EBF2: variants seen among roughly 807,000 people sequenced by gnomAD.
EBF2 encodes the protein EBF transcription factor 2, also known as transcription factor COE2.
A neutral mutation model predicts 72.8 loss-of-function variants in EBF2; 21 were observed. That is an observed-to-expected ratio of 0.29 (90% CI 0.20 to 0.42). The LOEUF is 0.42. EBF2 is among the 10% of genes least tolerant of loss of function. The pLI is 1.00. For synonymous variants in EBF2, 299 were observed against 274.2 expected (o/e 1.09, Z -0.89); for missense variants, 637 against 731.2 (o/e 0.87, Z 1.49).
intron 6 of EBF2, among the ~76,000 whole-genome samples, chr8:25,965,417 G>A (rs1472262047): frequency 1.3e-5 from 2 of 152,198 alleles, no homozygotes; most frequent in Admixed American, 1.3e-4. Flanking sequence ...TCACCAACAA[G>A]GGCAAGGCTG....
chr8:25,861,063 T>G lies in EBF2; in HGVS notation c.1328A>C (p.Gln443Pro). 1 of 1,614,134 alleles carries G rather than the reference T, an allele frequency of 6.2e-7. No individual in the cohort carries two copies. Among genetic ancestry groups the G allele is most frequent in the Non-Finnish European group, 8.5e-7 (1 of 1,180,004 alleles). Residue 443 changes from glutamine to proline, a missense_variant, in exon 13 of 16, where the codon CAA becomes CCA. Physicochemically the swap from Gln to Pro is moderately conservative, Grantham distance 76. Around this residue, in one of 3 missense-constraint regions of EBF2, gnomAD observed 259 missense variants for 268.1 expected, o/e 0.97. Transcript: ENST00000520164. ...AAAGGTGGTACCTTGATTATTTCCT[T>G]GTGTTGACTCTGAGATGCTGACCCC... ...QLGVSISEST[Q>P]GNNQGYIRNT...
At chr8:25,936,760 T>A (rs966548542) in intron 6 of EBF2, among the ~76,000 whole-genome samples, 2 of 152,202 alleles carry the variant, frequency 1.3e-5, no homozygotes, top group Non-Finnish European at 2.9e-5. Flanking sequence ...AAATGATAAC[T>A]GTGAATTTAA....
At chr8:25,953,553 C>T (rs1039258951) in intron 6 of EBF2, among the ~76,000 whole-genome samples, 1 of 152,214 alleles carries the variant, frequency 6.6e-6, no homozygotes, top group East Asian at 1.9e-4. Context: ...AGTCCCATAC[C>T]GCAGAGGAAA....
chr8:25,888,254 G>C (rs1412307587), intron 8 of EBF2, among the ~76,000 whole-genome samples: 1 of 152,202 alleles, frequency 6.6e-6, no homozygotes, highest in Non-Finnish European at 1.5e-5. Flanking sequence ...ACCCGTATTT[G>C]GTTGAAGCCT....
chr8:25,856,804 TG>T (rs1328187709), intron 14 of EBF2, among the ~76,000 whole-genome samples: 1 of 152,214 alleles, frequency 6.6e-6, no homozygotes, highest in Non-Finnish European at 1.5e-5. Flanking sequence ...AAATAATGTG[TG>T]GACATAAAAT....
chr8:25,851,559 A>G (rs1361287311), intron 14 of EBF2, among the ~76,000 whole-genome samples: 2 of 151,986 alleles, frequency 1.3e-5, no homozygotes, highest in African/African-American at 2.4e-5. Context: ...CAAGATGATA[A>G]TTTTATCTTC....
At chr8:25,859,247 C>A (rs1425864326) in intron 13 of EBF2, among the ~76,000 whole-genome samples, 1 of 152,198 alleles carries the variant, frequency 6.6e-6, no homozygotes, top group Non-Finnish European at 1.5e-5. Flanking sequence ...AATAAATAAA[C>A]TGGTTTAACT....
chr8:25,912,519 GA>G (rs5890267), intron 6 of EBF2, among the ~76,000 whole-genome samples: 25,206 of 147,238 alleles, frequency 0.17, 4,843 homozygotes, highest in African/African-American at 0.48. Context: ...TAAATCAGGA[GA>G]AAAAAAAAAA....
chr8:26,040,545 G>A lies in EBF2; in HGVS notation c.408+71C>T. 3.4e-6 allele frequency: 5 copies of A among 1,461,286 alleles called. 1 individual carries two copies. The South Asian group carries it at 5.2e-5, about 15-fold the overall frequency. The allele number at this position is 1,461,286 out of a possible 1,614,324, so 90.5% of individuals were successfully genotyped here. On this transcript the variant is annotated intron_variant, in intron 4 of 15. Coordinates refer to ENST00000520164, the MANE Select transcript of EBF2 (RefSeq NM_022659.4). ...GAAATCGTGGAGGAGGGGCAGGTCA[G>A]AAACAAACTGGGGGGTTTGGGGGTC...
At chr8:25,941,659 A>G (rs1803673606) in intron 6 of EBF2, among the ~76,000 whole-genome samples, 1 of 152,140 alleles carries the variant, frequency 6.6e-6, no homozygotes, top group Admixed American at 6.5e-5. Flanking sequence ...GCCCTAAGCT[A>G]CGGAGGAGTG....
intron 6 of EBF2, among the ~76,000 whole-genome samples, chr8:25,995,881 T>C (rs1472800134): frequency 6.6e-6 from 1 of 151,916 alleles, no homozygotes; most frequent in African/African-American, 2.4e-5. Context: ...ATAAATTACA[T>C]CAAAATATAT....
chr8:25,860,679 C>T (rs957334344), intron 13 of EBF2, among the ~76,000 whole-genome samples: 3 of 147,844 alleles, frequency 2.0e-5, no homozygotes, highest in African/African-American at 8.0e-5. Context: ...ATCTGCCCAC[C>T]ACACCTGGCT....
At position 25,965,238 on chromosome 8, in the gene EBF2, G is replaced by A. The variant is rs141266769; in HGVS notation, c.552-56683C>T. 1.5e-3 allele frequency among the ~76,000 whole-genome samples: 226 copies of A among 152,160 alleles called. 2 individuals are homozygous for A. Among genetic ancestry groups the A allele is most frequent in the African/African-American group, 5.2e-3 (214 of 41,500 alleles). ...CCACATAGAACTTTATTTCCCAAAAGAGCAATGTTTACTTTGCTTTACTTT... is the reference window on the plus strand; with the variant it reads ...CCACATAGAACTTTATTTCCCAAAAAAGCAATGTTTACTTTGCTTTACTTT... On this transcript the variant is annotated intron_variant, in intron 6 of 15. Transcript: ENST00000520164.
rs1241764547 is a variant in EBF2 at position 25,850,643 on chromosome 8, T to C, written c.1647A>G (p.Gln549=). The C allele has an allele frequency of 3.8e-6, 6 of 1,568,938 alleles. No homozygotes were observed. The South Asian group carries it at 7.1e-5, about 19-fold the overall frequency. ...KSAFAPVIRP[Q]GSPSPACSSG... ...TGGAGCAGGCAGGTGAAGGGGAGCC[T>C]TGGGGCCTGATGACAGGGGCAAAGG... Residue 549 remains glutamine (Q), a synonymous_variant, in exon 15 of 16, where the codon CAA becomes CAG. Transcript: ENST00000520164.
At chr8:25,936,670 T>A (rs1803584299) in intron 6 of EBF2, among the ~76,000 whole-genome samples, 1 of 152,230 alleles carries the variant, frequency 6.6e-6, no homozygotes, top group Non-Finnish European at 1.5e-5. Flanking sequence ...TTTCTTAGTA[T>A]CATTTACAAG....
intron 10 of EBF2, among the ~76,000 whole-genome samples, chr8:25,871,295 A>G (rs1188781890): frequency 1.3e-5 from 2 of 152,230 alleles, no homozygotes; most frequent in Non-Finnish European, 2.9e-5. Flanking sequence ...CCAGGCCATT[A>G]ACTGCCATCA....
At chr8:26,017,154 TAAA>T (rs760786092) in intron 6 of EBF2, among the ~76,000 whole-genome samples, 4 of 139,390 alleles carry the variant, frequency 2.9e-5, no homozygotes, top group Admixed American at 7.2e-5. Context: ...TCCCCTTATT[TAAA>T]AAAAAAAAAA....
At chr8:25,870,573 T>C (rs918506721) in intron 10 of EBF2, among the ~76,000 whole-genome samples, 8 of 152,092 alleles carry the variant, frequency 5.3e-5, no homozygotes, top group African/African-American at 1.9e-4. Flanking sequence ...CTCTAATCAG[T>C]GCACAGAGGT....
chr8:25,937,780 G>A lies in EBF2; in HGVS notation c.552-29225C>T, dbSNP rs571771179. ...TAGTCATGTAGTTACATTAAACAGT[G>A]GGGAGTTCACACTTCACAAGCACTT... On this transcript the variant is annotated intron_variant, in intron 6 of 15. Coordinates refer to ENST00000520164, the MANE Select transcript of EBF2 (RefSeq NM_022659.4). 2.6e-5 allele frequency among the ~76,000 whole-genome samples: 4 copies of A among 152,272 alleles called. No individual in the cohort carries two copies. The South Asian group carries it at 6.2e-4, about 24-fold the overall frequency.
Sources: gnomAD v4.1 joint callset for allele counts (sites outside exome capture counted in the v4.1 genomes callset) on GRCh38, gnomAD v4.1.1 for gene constraint, gnomAD v4.1.1 regional missense constraint, MANE v1.5 for transcripts, NCBI Gene and HGNC (gene_info 2026-07-23, HGNC 2026-07-21) for gene names.